ELOVL6: variants seen among roughly 807,000 people sequenced by gnomAD.
ELOVL6 encodes the protein very long chain fatty acid elongase 6.
A neutral mutation model predicts 31.7 loss-of-function variants in ELOVL6; 8 were observed. That is an observed-to-expected ratio of 0.25 (90% confidence interval 0.15 to 0.45). The LOEUF (loss-of-function observed/expected upper bound fraction) is 0.45. Among genes scored for constraint, ELOVL6 ranks in the 20% least tolerant of loss-of-function variants. The probability of loss-of-function intolerance (pLI) is 1.00; values close to 1 mark genes in which losing one functional copy is unlikely to be tolerated. For missense variants in ELOVL6, 126 were observed against 326.4 expected (o/e 0.39, Z 4.73); for synonymous variants, 101 against 117.7 (o/e 0.86, Z 0.92).
intron 1 of ELOVL6, among the ~76,000 whole-genome samples, chr4:110,151,636 G>A (rs1758282063): frequency 1.3e-5 from 2 of 152,206 alleles, no homozygotes; most frequent in African/African-American, 2.4e-5. Flanking sequence ...CAATAATGAT[G>A]TTGAGATTTG....
intron 1 of ELOVL6, among the ~76,000 whole-genome samples, chr4:110,157,296 C>A (rs566430264): frequency 7.2e-5 from 11 of 152,228 alleles, no homozygotes; most frequent in African/African-American, 2.6e-4. Context: ...AATAGTTATT[C>A]CACTTTGAGC....
At chr4:110,107,276 C>T (rs1465892227) in intron 1 of ELOVL6, among the ~76,000 whole-genome samples, 2 of 152,164 alleles carry the variant, frequency 1.3e-5, no homozygotes, top group Non-Finnish European at 2.9e-5. Flanking sequence ...ATCACTTTCA[C>T]TGAGGTTTAC....
At chr4:110,084,784 G>A (rs924594894) in intron 2 of ELOVL6, among the ~76,000 whole-genome samples, 1 of 150,434 alleles carries the variant, frequency 6.6e-6, no homozygotes, top group Admixed American at 6.6e-5. Context: ...TAGTAGAGAT[G>A]GGGTTTCACC....
At chr4:110,104,236 G>A (rs754460051) in intron 2 of ELOVL6, among the ~76,000 whole-genome samples, 36 of 152,030 alleles carry the variant, frequency 2.4e-4, no homozygotes, top group Non-Finnish European at 4.0e-4. Flanking sequence ...AATACTTCAG[G>A]TGAGGCATAC....
At chr4:110,130,934 G>A (rs1271080429) in intron 1 of ELOVL6, among the ~76,000 whole-genome samples, 6 of 152,170 alleles carry the variant, frequency 3.9e-5, no homozygotes, top group Non-Finnish European at 8.8e-5. Context: ...AAGGAAACAT[G>A]TAAGTTTAAC....
intron 1 of ELOVL6, among the ~76,000 whole-genome samples, chr4:110,134,884 G>A (rs1757772308): frequency 6.6e-6 from 1 of 152,054 alleles, no homozygotes; most frequent in East Asian, 1.9e-4. Flanking sequence ...GAGCCCAGGA[G>A]TTCAAAGCTG....
chr4:110,166,714 T>C (rs1190923670), intron 1 of ELOVL6, among the ~76,000 whole-genome samples: 2 of 152,230 alleles, frequency 1.3e-5, no homozygotes, highest in African/African-American at 4.8e-5. Flanking sequence ...GGTTAGCATA[T>C]AAGACATCAT....
At chr4:110,129,110 C>T (rs562483430) in intron 1 of ELOVL6, among the ~76,000 whole-genome samples, 1 of 152,178 alleles carries the variant, frequency 6.6e-6, no homozygotes, top group South Asian at 2.1e-4. Flanking sequence ...ATGTATAAAT[C>T]TTTTTTTCAA....
At chr4:110,116,513 G>A (rs1386622948) in intron 1 of ELOVL6, among the ~76,000 whole-genome samples, 1 of 152,144 alleles carries the variant, frequency 6.6e-6, no homozygotes, top group Non-Finnish European at 1.5e-5. Context: ...ATGACTTACT[G>A]TATCCTTTAC....
chr4:110,091,862 G>A (rs1756436466), intron 2 of ELOVL6, among the ~76,000 whole-genome samples: 1 of 152,216 alleles, frequency 6.6e-6, no homozygotes, highest in African/African-American at 2.4e-5. Context: ...TGCAAGGAAT[G>A]AAGTATTATG....
At chr4:110,083,987 C>CATATATAACAT (rs1560813354) in intron 2 of ELOVL6, among the ~76,000 whole-genome samples, 1 of 6,914 alleles carries the variant, frequency 1.4e-4, no homozygotes, top group African/African-American at 4.7e-4. Flanking sequence ...ATGCCATATA[C>CATATATAACAT]GATATATAAC....
At chr4:110,159,173 G>A (rs1202442861) in intron 1 of ELOVL6, among the ~76,000 whole-genome samples, 1 of 152,066 alleles carries the variant, frequency 6.6e-6, no homozygotes. Flanking sequence ...TGGAATATTA[G>A]ATACTTTATT....
chr4:110,090,601 T>TTTTTTGTTTTTTTTTTG (rs1491371988), intron 2 of ELOVL6, among the ~76,000 whole-genome samples: 1 of 88,304 alleles, frequency 1.1e-5, no homozygotes, highest in African/African-American at 6.9e-5. Context: ...TTTGACTTTC[T>TTTTTTGTTTTTTTTTTG]TTTTTTTTTT....
intron 1 of ELOVL6, among the ~76,000 whole-genome samples, chr4:110,112,904 A>C (rs1329849682): frequency 6.6e-6 from 1 of 150,548 alleles, no homozygotes; most frequent in Non-Finnish European, 1.5e-5. Context: ...AAGAATTAAA[A>C]TCCATTCAAT....
chr4:110,051,894 G>A lies in ELOVL6; in HGVS notation c.374-132C>T. ...ATAGACTGGATTAGAACCCTGAACT[G>A]GTACTTACTAGCTCTGTGACCCTGG... On this transcript the variant is annotated intron_variant, in intron 3 of 3. Transcript: ENST00000302274. The surrounding 1 kb of genome is among the most constrained non-coding windows in gnomAD (Gnocchi z 4.8). 1 of 704,148 alleles carries A rather than the reference G, an allele frequency of 1.4e-6. No homozygotes were observed. The highest frequency in any genetic ancestry group is 2.8e-5 in the Admixed American group (1 of 35,520). 43.6% of individuals were successfully genotyped at this position (704,148 alleles called of 1,614,324 possible). A position where few individuals can be genotyped will look rare whatever the true frequency, so the allele number is the denominator to read the frequency against.
intron 1 of ELOVL6, among the ~76,000 whole-genome samples, chr4:110,188,290 T>C (rs1759505826): frequency 6.6e-6 from 1 of 152,216 alleles, no homozygotes; most frequent in African/African-American, 2.4e-5. Flanking sequence ...GTGAAAATTA[T>C]TAACAAAAGA....
rs1259837871 is a variant in ELOVL6 at position 110,084,057 on chromosome 4, G to GATAT, written c.221+21436_221+21439dup. 1.0e-3 allele frequency among the ~76,000 whole-genome samples: 19 copies of GATAT among 18,870 alleles called. 2 individuals carry two copies. The East Asian group carries it at 0.013, about 13-fold the overall frequency. The allele number at this position is 18,870 out of a possible 152,430, so 12.4% of individuals were successfully genotyped here. The stretch of plus-strand genomic sequence containing the variant: ...ATGGTATATAACACATGCTATATAT[G>GATAT]ATATATAACATATATATGCTATATA... On this transcript the variant is annotated intron_variant, in intron 2 of 3. Transcript: ENST00000302274.
intron 1 of ELOVL6, among the ~76,000 whole-genome samples, chr4:110,115,419 A>G (rs1031860880): frequency 6.6e-6 from 1 of 152,138 alleles, no homozygotes; most frequent in African/African-American, 2.4e-5. Context: ...TTACCCAAGA[A>G]AGAACTCTGA....
chr4:110,055,305 G>A (rs1054029968), intron 3 of ELOVL6, among the ~76,000 whole-genome samples: 2 of 152,100 alleles, frequency 1.3e-5, no homozygotes, highest in African/African-American at 2.4e-5. Flanking sequence ...ACTATCAGAG[G>A]GACTGTGTAT....
Sources: allele counts gnomAD v4.1 joint callset (sites outside exome capture counted in the v4.1 genomes callset), GRCh38; gene constraint gnomAD v4.1.1; non-coding constraint Gnocchi (gnomAD v3.1); transcripts MANE v1.5; gene names NCBI Gene and HGNC (gene_info 2026-07-23, HGNC 2026-07-21).